PRELID2: variants seen among roughly 807,000 people sequenced by gnomAD.
PRELID2 encodes PRELI domain-containing protein 2.
In PRELID2, 25 loss-of-function variants were observed where a neutral mutation model predicts 28.4. That is an observed-to-expected ratio of 0.88 (90% CI 0.64 to 1.23). The LOEUF (loss-of-function observed/expected upper bound fraction) is 1.23. Among genes scored for constraint, PRELID2 ranks in the 50% most tolerant of loss-of-function variants. The pLI is 0.00. For synonymous variants in PRELID2, 76 were observed against 71.6 expected, an observed-to-expected ratio of 1.06 and a Z score of -0.31; for missense variants, 201 against 214.4, an observed-to-expected ratio of 0.94 and a Z score of 0.39.
At chr5:145,673,655 G>T (rs1038217853) in intron 1 of PRELID2, among the ~76,000 whole-genome samples, 1 of 150,720 alleles carries the variant, frequency 6.6e-6, no homozygotes, top group South Asian at 2.1e-4. Flanking sequence ...AAAAATTTTT[G>T]ATTTGCTAGC....
At chr5:145,474,836 A>T (rs2126609350) in intron 1 of PRELID2, among the ~76,000 whole-genome samples, 1 of 152,306 alleles carries the variant, frequency 6.6e-6, no homozygotes, top group African/African-American at 2.4e-5. Flanking sequence ...TTGACAAAAA[A>T]ATAGTCTAGT....
intron 1 of PRELID2, among the ~76,000 whole-genome samples, chr5:145,650,482 C>G (rs1754271445): frequency 7.1e-6 from 1 of 141,542 alleles, no homozygotes; most frequent in African/African-American, 2.6e-5. Flanking sequence ...TCACCAGAAG[C>G]AGAATACTGC....
the PRELID2 span, among the ~76,000 whole-genome samples, chr5:145,320,463 C>T: frequency 7.2e-5 from 11 of 152,044 alleles, no homozygotes; most frequent in Admixed American, 6.5e-4. Flanking sequence ...TTAGTAGAGA[C>T]GGGGTTTCAC....
chr5:145,356,130 G>A, the PRELID2 span, among the ~76,000 whole-genome samples: 1 of 151,796 alleles, frequency 6.6e-6, no homozygotes, highest in Non-Finnish European at 1.5e-5. Flanking sequence ...ACCTAACACT[G>A]GCCTCATTCG....
Position 145,510,265 on chromosome 5 carries a change from C to T in PRELID2, n.71-36950G>A, listed in dbSNP as rs1484582256. Among the ~76,000 whole-genome samples the T allele has an allele frequency of 2.6e-5, 4 of 152,326 alleles. No homozygotes were observed. In the East Asian group the frequency reaches 5.8e-4, roughly 22 times the overall value. ...ATCATGTTTGAAAGCAACATCTTTG[C>T]TTTCTTTGCTCTTCCCTCACCACAC... On this transcript the variant is annotated intron_variant and non_coding_transcript_variant, in intron 1 of 2. Coordinates refer to the PRELID2 transcript ENST00000510259.
At chr5:145,689,242 G>A (rs1755097143) in intron 1 of PRELID2, among the ~76,000 whole-genome samples, 1 of 152,134 alleles carries the variant, frequency 6.6e-6, no homozygotes, top group African/African-American at 2.4e-5. Flanking sequence ...GGAGAGGCCA[G>A]TTGGCAAGAG....
chr5:145,807,951 C>T (rs113410867), intron 4 of PRELID2, among the ~76,000 whole-genome samples: 2 of 152,094 alleles, frequency 1.3e-5, no homozygotes, highest in African/African-American at 2.4e-5. Context: ...CATCAAATGG[C>T]AAATGAGTAT....
At chr5:145,301,123 A>T in the PRELID2 span, among the ~76,000 whole-genome samples, 1 of 152,068 alleles carries the variant, frequency 6.6e-6, no homozygotes, top group Non-Finnish European at 1.5e-5. Context: ...AACATTTGTG[A>T]GGTTCAGTTG....
chr5:145,382,336 A>C, the PRELID2 span, among the ~76,000 whole-genome samples: 1 of 152,092 alleles, frequency 6.6e-6, no homozygotes, highest in Non-Finnish European at 1.5e-5. Flanking sequence ...ATAATAGAAC[A>C]AAAATAGTTA....
At chr5:145,409,752 A>AG in the PRELID2 span, among the ~76,000 whole-genome samples, 1 of 145,594 alleles carries the variant, frequency 6.9e-6, no homozygotes, top group Admixed American at 6.8e-5. Context: ...TCTCTACTGA[A>AG]AAAAAAAAAA....
the PRELID2 span, among the ~76,000 whole-genome samples, chr5:145,318,622 C>T: frequency 6.6e-6 from 1 of 152,156 alleles, no homozygotes; most frequent in African/African-American, 2.4e-5. Context: ...ACTCAAACCC[C>T]TTACAGGAGG....
intron 1 of PRELID2, among the ~76,000 whole-genome samples, chr5:145,645,927 G>A (rs1437018704): frequency 2.0e-5 from 3 of 152,174 alleles, no homozygotes; most frequent in Non-Finnish European, 4.4e-5. Context: ...GCTTCCCTTT[G>A]TGGGTAACCC....
intron 1 of PRELID2, among the ~76,000 whole-genome samples, chr5:145,479,845 CA>C (rs541542180): frequency 6.6e-6 from 1 of 151,686 alleles, no homozygotes; most frequent in African/African-American, 2.4e-5. Flanking sequence ...TCATAGATGA[CA>C]AAAAAGGGGG....
chr5:145,577,917 G>A (rs1171820104), intron 1 of PRELID2, among the ~76,000 whole-genome samples: 1 of 152,044 alleles, frequency 6.6e-6, no homozygotes, highest in Non-Finnish European at 1.5e-5. Flanking sequence ...ATAAACAAAT[G>A]CATAAATGAA....
the PRELID2 span, among the ~76,000 whole-genome samples, chr5:145,320,823 C>A: frequency 2.6e-5 from 4 of 152,246 alleles, no homozygotes; most frequent in African/African-American, 9.6e-5. Flanking sequence ...TTTATGTGTG[C>A]AATCCAATTA....
chr5:145,599,569 C>T (rs754136994), intron 1 of PRELID2, among the ~76,000 whole-genome samples: 4 of 152,122 alleles, frequency 2.6e-5, no homozygotes, highest in Non-Finnish European at 4.4e-5. Context: ...CTGTCTTACG[C>T]TCGAGATACT....
chr5:145,415,918 T>A, the PRELID2 span, among the ~76,000 whole-genome samples: 2 of 152,094 alleles, frequency 1.3e-5, no homozygotes, highest in African/African-American at 4.8e-5. Context: ...GTGTTCCTAT[T>A]TCTCCACTTC....
chr5:145,606,625 A>G (rs894445550), intron 1 of PRELID2, among the ~76,000 whole-genome samples: 6 of 152,170 alleles, frequency 3.9e-5, no homozygotes, highest in Non-Finnish European at 5.9e-5. Flanking sequence ...CTACTTGATC[A>G]TGGTGGATTA....
intron 1 of PRELID2, among the ~76,000 whole-genome samples, chr5:145,677,608 A>T (rs1206574674): frequency 6.6e-6 from 1 of 152,176 alleles, no homozygotes; most frequent in Non-Finnish European, 1.5e-5. Flanking sequence ...CCATTATTGA[A>T]GCTGGGTGAC....
Sources: allele counts gnomAD v4.1 joint callset (sites outside exome capture counted in the v4.1 genomes callset), GRCh38; gene constraint gnomAD v4.1.1; transcripts MANE v1.5; gene names NCBI Gene and HGNC (gene_info 2026-07-23, HGNC 2026-07-21).